The following AGGF1 variants were observed in gnomAD, a reference collection of about 807,000 sequenced individuals.
The protein encoded by AGGF1 is angiogenic factor with G-patch and FHA domains 1.
In AGGF1, 56 loss-of-function variants were observed where a neutral mutation model predicts 86.5. The ratio of observed to expected loss-of-function variants is 0.65; its 90% CI spans 0.52 to 0.81. The LOEUF (loss-of-function observed/expected upper bound fraction) is 0.81, where lower values mean the gene tolerates loss of function less well. AGGF1 is among the 30% of genes least tolerant of loss of function. The pLI is 0.00. For missense variants in AGGF1, 816 were observed against 850.9 expected (o/e 0.96, Z 0.51); for synonymous variants, 313 against 297.1 (o/e 1.05, Z -0.55).
At position 77,030,825 on chromosome 5, in the gene AGGF1, C is replaced by T. The variant is rs147102910; in HGVS notation, c.59C>T (p.Pro20Leu). ...RSPPPPTSPE[P>L]ELAQLRRKVE... ...CCGCCGCCGCCCACCTCCCCCGAGC[C>T]TGAGCTGGCCCAGCTAAGGCGGAAG... Residue 20 changes from proline (P) to leucine (L), a missense_variant, in exon 1 of 14, where the codon CCT (proline) becomes CTT (leucine). Physicochemically the swap from Pro to Leu is moderately conservative, Grantham distance 98. Transcript: ENST00000312916. 229 of 1,610,230 alleles carry T rather than the reference C, an allele frequency of 1.4e-4. No homozygotes were observed. In the Middle Eastern group the frequency reaches 2.0e-3, roughly 14 times the overall value.
rs1746826841 is a variant in AGGF1, at chr5:77,030,741, C to T, written c.-26C>T. ...CGGCCTGAACGCAGCCCCTCCGCGG[C>T]GACGAGCAGTCTCGCGCCGGAGCTC... is the stretch of plus-strand genomic sequence containing the variant. On this transcript the variant is annotated 5_prime_UTR_variant, in exon 1 of 14. Coordinates refer to ENST00000312916, the MANE Select transcript of AGGF1 (RefSeq NM_018046.5). The T allele has an allele frequency of 1.9e-6, 3 of 1,551,190 alleles. No individual in the cohort carries two copies. Among genetic ancestry groups the T allele is most frequent in the Non-Finnish European group, 2.6e-6 (3 of 1,155,208 alleles).
chr5:77,057,452 A>G (rs889652099), intron 11 of AGGF1, among the ~76,000 whole-genome samples: 8 of 152,244 alleles, frequency 5.3e-5, no homozygotes, highest in Admixed American at 2.0e-4. Context: ...CACAACCTGG[A>G]TGAATCTCAA....
intron 8 of AGGF1, among the ~76,000 whole-genome samples, chr5:77,049,222 C>T (rs938078465): frequency 1.3e-5 from 2 of 152,084 alleles, no homozygotes; most frequent in African/African-American, 4.8e-5. Flanking sequence ...GAGTAGAAAG[C>T]ATATGAAGTC....
chr5:77,060,791 T>C (rs1747548581), intron 12 of AGGF1, among the ~76,000 whole-genome samples: 2 of 152,192 alleles, frequency 1.3e-5, no homozygotes, highest in Non-Finnish European at 2.9e-5. Context: ...TGATGAAATA[T>C]AGGATTACAA....
intron 4 of AGGF1, 88 bp from the exon 5 acceptor site, chr5:77,039,443 A>G (rs1747024322): frequency 2.0e-6 from 2 of 1,002,988 alleles, no homozygotes; most frequent in East Asian, 5.3e-5. Context: ...TCAAAGAAAT[A>G]TTTACCACAT....
At chr5:77,061,312 G>A (rs192150963) in intron 12 of AGGF1, among the ~76,000 whole-genome samples, 1 of 152,240 alleles carries the variant, frequency 6.6e-6, no homozygotes, top group African/African-American at 2.4e-5. Flanking sequence ...TTAATGAAAT[G>A]GAACAATTCA....
chr5:77,041,744 ATTC>A (rs1439231554), intron 5 of AGGF1, among the ~76,000 whole-genome samples: 7 of 147,740 alleles, frequency 4.7e-5, no homozygotes, highest in Non-Finnish European at 1.0e-4. Context: ...CATCTTTGCC[ATTC>A]TTCTTTGAAA....
chr5:77,059,988 C>T (rs548000446), intron 12 of AGGF1, among the ~76,000 whole-genome samples: 31 of 152,254 alleles, frequency 2.0e-4, no homozygotes, highest in South Asian at 8.3e-4. Flanking sequence ...ATTACAGATG[C>T]GTGCCATCAC....
intron 11 of AGGF1, among the ~76,000 whole-genome samples, chr5:77,057,672 T>C (rs1194862744): frequency 1.3e-5 from 2 of 152,148 alleles, no homozygotes; most frequent in Admixed American, 6.5e-5. Flanking sequence ...CCCCCAAAGC[T>C]CAGAAAGCTG....
chr5:77,033,839 C>A lies in AGGF1; in HGVS notation c.211-579C>A, dbSNP rs184213689. 1.5e-3 allele frequency among the ~76,000 whole-genome samples: 223 copies of A among 152,294 alleles called. 3 individuals are homozygous for A. The South Asian group carries it at 0.044, about 30-fold the overall frequency. The stretch of plus-strand genomic sequence containing the variant: ...TTTGGGCACTTCCACACACTTGTTT[C>A]TCTCTGTCCTATGTAGTAGCATCCT... On this transcript the variant is annotated intron_variant, in intron 1 of 13. Coordinates refer to ENST00000312916, the MANE Select transcript of AGGF1 (RefSeq NM_018046.5).
chr5:77,063,794 A>G lies in AGGF1; in HGVS notation c.*542A>G. ...ATTGAAGAACTAATGAACAGGTAAC[A>G]TATTGTAGAAAATTAGTCTTTCATT... On this transcript the variant is annotated 3_prime_UTR_variant, in exon 14 of 14. Transcript: ENST00000312916. 1 of 159,410 alleles carries G rather than the reference A, an allele frequency of 6.3e-6. No individual in the cohort carries two copies. The highest frequency in any genetic ancestry group is 1.9e-4 in the East Asian group (1 of 5,398). The allele number at this position is 159,410 out of a possible 1,614,324, so 9.9% of individuals were successfully genotyped here.
rs775415783 is a variant in AGGF1 at position 77,036,738 on chromosome 5, T to A, written c.681+18T>A. 15 of 1,609,376 alleles carry A rather than the reference T, an allele frequency of 9.3e-6. No individual in the cohort carries two copies. The highest frequency in any genetic ancestry group is 7.6e-6 in the Non-Finnish European group (9 of 1,178,284). ...ATGATTCTGTAAGTATCTCAGACCT[T>A]TTTGTTTTGTTTTGTTTTTGAGACA... On this transcript the variant is annotated intron_variant, in intron 4 of 13. Coordinates refer to ENST00000312916, the MANE Select transcript of AGGF1 (RefSeq NM_018046.5).
At chr5:77,041,785 TTTTATTTATTTATTTA>T (rs1312253497) in intron 5 of AGGF1, among the ~76,000 whole-genome samples, 1 of 112,984 alleles carries the variant, frequency 8.9e-6, no homozygotes, top group African/African-American at 3.5e-5. Context: ...CAAGAACTTT[TTTTATTTATTTATTTA>T]TTTATTTATT....
At chr5:77,031,446 A>G (rs1004927415) in intron 1 of AGGF1, among the ~76,000 whole-genome samples, 4 of 152,244 alleles carry the variant, frequency 2.6e-5, no homozygotes, top group African/African-American at 4.8e-5. Flanking sequence ...TTTGAATGCT[A>G]TACCTGTTTA....
Position 77,035,867 on chromosome 5 carries a change from T to G in AGGF1, c.516+124T>G, listed in dbSNP as rs544078828. ...TATATAAGGGTTATAAACATTCTTA[T>G]GTGTAATTATGCAAAGAATGTTGTA... On this transcript the variant is annotated intron_variant, in intron 3 of 13. Coordinates refer to ENST00000312916, the MANE Select transcript of AGGF1 (RefSeq NM_018046.5). 51 of 824,642 alleles carry G rather than the reference T, an allele frequency of 6.2e-5. No homozygotes were observed. The African/African-American group carries it at 7.9e-4, about 13-fold the overall frequency. The allele number at this position is 824,642 out of a possible 1,614,324, so 51.1% of individuals were successfully genotyped here. A position where few individuals can be genotyped will look rare whatever the true frequency, so the allele number is the denominator to read the frequency against.
chr5:77,053,815 G>A, intron 9 of AGGF1, 150 bp from the exon 10 acceptor site: 1 of 779,904 alleles, frequency 1.3e-6, no homozygotes, highest in Non-Finnish European at 2.1e-6. Flanking sequence ...TTGGGGAAGT[G>A]TGTGCATGTG....
rs776959483 is a variant in AGGF1 at position 77,063,293 on chromosome 5, T to C, written c.*41T>C. ...AAAAAACCTCTAGTTTTTTTAAAAA[T>C]AGAATTTGGAAACTTATTTTTTCTC... On this transcript the variant is annotated 3_prime_UTR_variant, in exon 14 of 14. Transcript: ENST00000312916. 59 of 1,581,418 alleles carry C rather than the reference T, an allele frequency of 3.7e-5. No homozygotes were observed. The highest frequency in any genetic ancestry group is 4.9e-5 in the Non-Finnish European group (57 of 1,156,734).
intron 8 of AGGF1, among the ~76,000 whole-genome samples, chr5:77,050,395 C>T (rs941631028): frequency 6.9e-6 from 1 of 144,760 alleles, no homozygotes; most frequent in Non-Finnish European, 1.5e-5. Flanking sequence ...GCACCACAGC[C>T]TCTGACACCT....
In AGGF1 at chr5:77,030,632, G is replaced by C. The variant is rs572136008; in HGVS notation, c.-135G>C. The C allele has an allele frequency of 2.0e-6, 2 of 1,011,296 alleles. No homozygotes were observed. The highest frequency in any genetic ancestry group is 3.0e-6 in the Non-Finnish European group (2 of 670,082). The allele number at this position is 1,011,296 out of a possible 1,614,324, so 62.6% of individuals were successfully genotyped here. A position where few individuals can be genotyped will look rare whatever the true frequency, so the allele number is the denominator to read the frequency against. On this transcript the variant is annotated 5_prime_UTR_variant, in exon 1 of 14. Coordinates refer to ENST00000312916, the MANE Select transcript of AGGF1 (RefSeq NM_018046.5). ...AGTGAGTTTCAGGGCGTCATGGCCA[G>C]GGGCCACCGCGGCCAGCCGGGTGTG...
Sources: allele counts gnomAD v4.1 joint callset (sites outside exome capture counted in the v4.1 genomes callset), GRCh38; gene constraint gnomAD v4.1.1; transcripts MANE v1.5; gene names NCBI Gene and HGNC (gene_info 2026-07-23, HGNC 2026-07-21).